KLHL1: variants seen among roughly 807,000 people sequenced by gnomAD.
KLHL1 encodes kelch-like protein 1.
Under a neutral mutation model 77.7 loss-of-function variants are expected in KLHL1, and 47 were observed. The observed-to-expected ratio is 0.60, with a 90% CI of 0.48 to 0.77. The LOEUF (loss-of-function observed/expected upper bound fraction) is 0.77, where lower values mean the gene tolerates loss of function less well. Ranked by LOEUF, KLHL1 falls within the 30% of genes least tolerant of loss-of-function variation. The pLI, the probability that KLHL1 is intolerant of heterozygous loss-of-function variation, is 0.00. For synonymous variants in KLHL1, 360 were observed against 325.2 expected, an observed-to-expected ratio of 1.11 and a Z score of -1.15; for missense variants, 925 against 910.8, an observed-to-expected ratio of 1.02 and a Z score of -0.20.
intron 4 of KLHL1, among the ~76,000 whole-genome samples, chr13:69,932,171 C>T (rs1258075834): frequency 6.6e-6 from 1 of 151,710 alleles, no homozygotes; most frequent in Non-Finnish European, 1.5e-5. Flanking sequence ...AACTGGACAG[C>T]TGTGTGTTGC....
chr13:69,819,362 T>G (rs927567958), intron 6 of KLHL1, among the ~76,000 whole-genome samples: 2 of 152,132 alleles, frequency 1.3e-5, no homozygotes, highest in African/African-American at 4.8e-5. Context: ...TGTAATACAC[T>G]CTCCATAATA....
At chr13:69,932,271 T>C (rs937417668) in intron 4 of KLHL1, among the ~76,000 whole-genome samples, 16 of 151,490 alleles carry the variant, frequency 1.1e-4, no homozygotes, top group South Asian at 4.1e-4. Flanking sequence ...AGGCAAATTA[T>C]TATAAAGGGG....
At chr13:69,995,924 TG>T (rs527425817) in intron 1 of KLHL1, among the ~76,000 whole-genome samples, 41 of 152,272 alleles carry the variant, frequency 2.7e-4, no homozygotes, top group African/African-American at 7.7e-4. Flanking sequence ...ATGTGTCAAT[TG>T]AACTATCACC....
At chr13:69,836,661 G>A (rs1337726527) in intron 6 of KLHL1, among the ~76,000 whole-genome samples, 1 of 151,936 alleles carries the variant, frequency 6.6e-6, no homozygotes, top group Non-Finnish European at 1.5e-5. Context: ...AAAACTTAAT[G>A]TTATCCAGAG....
Position 70,107,764 on chromosome 13 carries a change from G to A in KLHL1, c.-65C>T. On this transcript the variant is annotated 5_prime_UTR_variant, in exon 1 of 11. Coordinates refer to ENST00000377844, the MANE Select transcript of KLHL1 (RefSeq NM_020866.3). ...GGAGTAGGCTGGTCAGCAGGTGGGG[G>A]AGGACAGCGGGGCCCGGGGGCGGAG... The A allele has an allele frequency of 1.6e-6, 2 of 1,279,432 alleles. No individual in the cohort carries two copies. The highest frequency in any genetic ancestry group is 2.1e-6 in the Non-Finnish European group (2 of 951,342). 79.3% of individuals were successfully genotyped at this position (1,279,432 alleles called of 1,614,324 possible).
rs368369212 is a variant in KLHL1 at position 69,796,916 on chromosome 13, G to T, written c.1461C>A (p.Ile487=). 73 of 1,613,950 alleles carry T rather than the reference G, an allele frequency of 4.5e-5. No homozygotes were observed. The highest frequency in any genetic ancestry group is 6.0e-5 in the Non-Finnish European group (71 of 1,180,014). The change falls in exon 7 of 11, where the codon ATC becomes ATA. Residue 487 remains isoleucine, a synonymous_variant. Coordinates refer to ENST00000377844, the MANE Select transcript of KLHL1 (RefSeq NM_020866.3). ...TTCTGCCATTCATCATCCCTGCCTG[G>T]ATCCACAGATTTGTTCTCAGATCAT... The part of the protein sequence containing the change: ...EKYDLRTNLW[I]QAGMMNGRRL...
At chr13:69,834,082 G>A (rs1322836515) in intron 6 of KLHL1, among the ~76,000 whole-genome samples, 1 of 151,886 alleles carries the variant, frequency 6.6e-6, no homozygotes, top group Non-Finnish European at 1.5e-5. Flanking sequence ...GGGGACTTGA[G>A]GGGAGGGATG....
At chr13:69,852,464 G>A (rs1879728973) in intron 5 of KLHL1, among the ~76,000 whole-genome samples, 1 of 151,826 alleles carries the variant, frequency 6.6e-6, no homozygotes, top group Admixed American at 6.6e-5. Flanking sequence ...ATAATGACGT[G>A]GACCTAGTGT....
intron 4 of KLHL1, among the ~76,000 whole-genome samples, chr13:69,939,378 T>TATATATATATATATAC (rs1200160699): frequency 1.7e-4 from 12 of 70,806 alleles, no homozygotes; most frequent in African/African-American, 6.3e-4. Flanking sequence ...TATATATATA[T>TATATATATATATATAC]ACACACACAC....
intron 6 of KLHL1, among the ~76,000 whole-genome samples, chr13:69,797,546 A>G (rs904423109): frequency 6.6e-5 from 10 of 151,922 alleles, no homozygotes; most frequent in Non-Finnish European, 1.2e-4. Flanking sequence ...GCCAGGCGCA[A>G]TGGCTCACGC....
At chr13:69,849,555 C>T (rs1449970547) in intron 5 of KLHL1, among the ~76,000 whole-genome samples, 5 of 151,372 alleles carry the variant, frequency 3.3e-5, no homozygotes, top group East Asian at 2.0e-4. Context: ...AAATATGACC[C>T]GAATCTTCAG....
chr13:69,803,299 A>C (rs974617776), intron 6 of KLHL1, among the ~76,000 whole-genome samples: 2 of 128,928 alleles, frequency 1.6e-5, no homozygotes, highest in Non-Finnish European at 3.3e-5. Context: ...TCAATTTTAC[A>C]TAATAAAAAC....
intron 4 of KLHL1, among the ~76,000 whole-genome samples, chr13:69,915,071 C>G (rs1882377801): frequency 6.6e-6 from 1 of 152,056 alleles, no homozygotes; most frequent in Non-Finnish European, 1.5e-5. Context: ...AATGGTATAA[C>G]ACTGCTCAAC....
intron 1 of KLHL1, among the ~76,000 whole-genome samples, chr13:70,006,528 G>A: frequency 7.3e-6 from 1 of 136,576 alleles, no homozygotes. Flanking sequence ...CAAAGAGTTT[G>A]AGAAGGATTT....
chr13:69,873,118 T>A (rs1246911477), intron 5 of KLHL1, among the ~76,000 whole-genome samples: 1 of 152,184 alleles, frequency 6.6e-6, no homozygotes, highest in Non-Finnish European at 1.5e-5. Context: ...AAATTCCTCC[T>A]TGCCGGAATG....
chr13:70,019,328 C>A (rs768174975), intron 1 of KLHL1, among the ~76,000 whole-genome samples: 1 of 150,196 alleles, frequency 6.7e-6, no homozygotes, highest in Non-Finnish European at 1.5e-5. Context: ...ATACTGAATG[C>A]GGGAGGAAGA....
chr13:69,940,337 C>A, intron 3 of KLHL1, 101 bp from the exon 4 acceptor site: 2 of 763,034 alleles, frequency 2.6e-6, no homozygotes, highest in South Asian at 5.3e-5. Flanking sequence ...TAGAACAGAT[C>A]TAAACTGAGA....
intron 1 of KLHL1, among the ~76,000 whole-genome samples, chr13:70,100,517 TAG>T (rs1041577152): frequency 1.3e-5 from 2 of 152,166 alleles, no homozygotes; most frequent in African/African-American, 4.8e-5. Context: ...GTATTTTTAG[TAG>T]AGACGGGGTT....
At chr13:69,803,575 T>C (rs1361632945) in intron 6 of KLHL1, among the ~76,000 whole-genome samples, 2 of 152,204 alleles carry the variant, frequency 1.3e-5, no homozygotes, top group Non-Finnish European at 2.9e-5. Flanking sequence ...TATAGCATTG[T>C]TGACTTTAAA....
Sources: gnomAD v4.1 joint callset for allele counts (sites outside exome capture counted in the v4.1 genomes callset) on GRCh38, gnomAD v4.1.1 for gene constraint, MANE v1.5 for transcripts, NCBI Gene and HGNC (gene_info 2026-07-23, HGNC 2026-07-21) for gene names.